The following GALNT18 variants were observed in gnomAD, a reference collection of about 807,000 sequenced individuals.
GALNT18 encodes the protein polypeptide N-acetylgalactosaminyltransferase 18.
A neutral mutation model predicts 69.5 loss-of-function variants in GALNT18; 44 were observed. The observed-to-expected ratio is 0.63, with a 90% CI of 0.50 to 0.81. GALNT18 has a LOEUF of 0.81. Among genes scored for constraint, GALNT18 ranks in the 40% least tolerant of loss-of-function variants. The probability of loss-of-function intolerance (pLI) is 0.00; values close to 1 mark genes in which losing one functional copy is unlikely to be tolerated. For synonymous variants in GALNT18, 364 were observed against 318.2 expected (o/e 1.14, Z -1.53); for missense variants, 715 against 810.0 (o/e 0.88, Z 1.42).
At chr11:11,386,009 T>C (rs1854048749) in intron 3 of GALNT18, among the ~76,000 whole-genome samples, 1 of 152,102 alleles carries the variant, frequency 6.6e-6, no homozygotes, top group African/African-American at 2.4e-5. Flanking sequence ...CTGTCAAAGA[T>C]GGCCAGCAAA....
At chr11:11,313,341 G>A (rs1564891342) in intron 9 of GALNT18, among the ~76,000 whole-genome samples, 1 of 152,230 alleles carries the variant, frequency 6.6e-6, no homozygotes, top group East Asian at 1.9e-4. Flanking sequence ...CTGATTGAGA[G>A]ATATTTTCAA....
rs375861284 is a variant in GALNT18, at chr11:11,339,097, A to T, written c.1278+1722T>A. On this transcript the variant is annotated intron_variant, in intron 7 of 10. Coordinates refer to ENST00000227756, the MANE Select transcript of GALNT18 (RefSeq NM_198516.3). The surrounding 1 kb of genome is among the most constrained non-coding windows in gnomAD (Gnocchi z 5.2). ...GAAATATTGACTCTGTACAAGTTTG[A>T]TAAGAGGAAGGAGAGGACATTTGGA... Among the ~76,000 whole-genome samples the T allele has an allele frequency of 2.0e-5, 3 of 152,294 alleles. No homozygotes were observed. The South Asian group carries it at 6.2e-4, about 32-fold the overall frequency.
chr11:11,607,955 G>C (rs1315402949), intron 1 of GALNT18, among the ~76,000 whole-genome samples: 2 of 152,180 alleles, frequency 1.3e-5, no homozygotes, highest in Non-Finnish European at 2.9e-5. Flanking sequence ...AATCTGTAAA[G>C]GTTTTACAAA....
chr11:11,271,256 C>A lies in GALNT18; in HGVS notation c.1712G>T (p.Cys571Phe). 1 of 1,614,132 alleles carries A rather than the reference C, an allele frequency of 6.2e-7. No individual in the cohort carries two copies. The highest frequency in any genetic ancestry group is 8.5e-7 in the Non-Finnish European group (1 of 1,180,004). ...GTCGCTATTCTCCTGCAGCTCCAGA[C>A]AGCGCTTAGACTTGCGGTTCTGGAT... is the stretch of plus-strand genomic sequence containing the variant. ...GPIQNRKSKR[C>F]LELQENSDLE... The change falls in exon 11 of 11, where the codon TGT becomes TTT. Residue 571 changes from cysteine (C) to phenylalanine (F), a missense_variant. Transcript: ENST00000227756.
intron 1 of GALNT18, among the ~76,000 whole-genome samples, chr11:11,452,080 CA>C (rs61559120): frequency 6.6e-6 from 1 of 151,794 alleles, no homozygotes; most frequent in Admixed American, 6.6e-5. Context: ...TCTTTAAAAA[CA>C]AAAAAAAGTG....
At chr11:11,493,718 C>A (rs1279289868) in intron 1 of GALNT18, among the ~76,000 whole-genome samples, 6 of 149,864 alleles carry the variant, frequency 4.0e-5, no homozygotes, top group African/African-American at 1.5e-4. Context: ...AGTAGGAGGC[C>A]CTGCTAAGGC....
chr11:11,566,566 CT>C (rs1858657614), intron 1 of GALNT18, among the ~76,000 whole-genome samples: 1 of 152,130 alleles, frequency 6.6e-6, no homozygotes, highest in Admixed American at 6.5e-5. Context: ...GCTTAGAGGG[CT>C]TAATGGCTGT....
At chr11:11,405,415 G>A (rs903344485) in intron 3 of GALNT18, among the ~76,000 whole-genome samples, 1 of 152,220 alleles carries the variant, frequency 6.6e-6, no homozygotes, top group Non-Finnish European at 1.5e-5. Context: ...AATTTGAAGT[G>A]GCTAGACTTT....
At chr11:11,280,529 G>A (rs977910583) in intron 10 of GALNT18, among the ~76,000 whole-genome samples, 7 of 152,038 alleles carry the variant, frequency 4.6e-5, no homozygotes, top group Non-Finnish European at 7.4e-5. Flanking sequence ...CTTCCCCAGC[G>A]GCCTGCTGTT....
At chr11:11,426,288 C>T (rs1289435096) in intron 3 of GALNT18, among the ~76,000 whole-genome samples, 7 of 152,190 alleles carry the variant, frequency 4.6e-5, no homozygotes, top group Admixed American at 2.6e-4. Context: ...CCAAGGACCC[C>T]GGCCCAGGAA....
chr11:11,571,217 G>A (rs1382215037), intron 1 of GALNT18, among the ~76,000 whole-genome samples: 1 of 152,164 alleles, frequency 6.6e-6, no homozygotes, highest in Non-Finnish European at 1.5e-5. Flanking sequence ...TCAGTGTCAG[G>A]ACCAGGATTT....
Position 11,511,085 on chromosome 11 carries a change from A to G in GALNT18, c.236-62149T>C, listed in dbSNP as rs1857155064. On this transcript the variant is annotated intron_variant, in intron 1 of 10. Coordinates refer to ENST00000227756, the MANE Select transcript of GALNT18 (RefSeq NM_198516.3). The surrounding 1 kb of genome is among the most constrained non-coding windows in gnomAD (Gnocchi z 4.9). ...GACATGCAGCCTGCCAGGTGATGCAAGAGAGGGCCAGGCTGCAGCTGAAGG... is the reference window on the plus strand; with the variant it reads ...GACATGCAGCCTGCCAGGTGATGCAGGAGAGGGCCAGGCTGCAGCTGAAGG... Among the ~76,000 whole-genome samples the G allele has an allele frequency of 6.6e-6, 1 of 152,056 alleles. No homozygotes were observed. The highest frequency in any genetic ancestry group is 2.1e-4 in the South Asian group (1 of 4,774).
chr11:11,614,339 A>G lies in GALNT18; in HGVS notation c.235+7020T>C, dbSNP rs1859991709. Among the ~76,000 whole-genome samples, 2 of 147,078 alleles carry G rather than the reference A, an allele frequency of 1.4e-5. No individual in the cohort carries two copies. The highest frequency in any genetic ancestry group is 5.1e-5 in the African/African-American group (2 of 38,896). Reference sequence around the variant, plus strand: ...GAGAGAGGGGTGAGAGAGAGAGGCAAGAGAGTGAGGAGAAGAAGAAGAAGA... The same window carrying G: ...GAGAGAGGGGTGAGAGAGAGAGGCAGGAGAGTGAGGAGAAGAAGAAGAAGA... On this transcript the variant is annotated intron_variant, in intron 1 of 10. Transcript: ENST00000227756. This position sits in a 1 kb window ranked among gnomAD's most constrained non-coding sequence, Gnocchi z 5.6.
chr11:11,476,356 T>C (rs576298888), intron 1 of GALNT18: 10 of 152,254 alleles, frequency 6.6e-5, no homozygotes, highest in African/African-American at 2.4e-4. Flanking sequence ...ACTGTTCTCC[T>C]GTGGTTATTC....
Position 11,613,406 on chromosome 11 carries a change from T to C in GALNT18, c.235+7953A>G, listed in dbSNP as rs181408148. Among the ~76,000 whole-genome samples, 1 of 152,362 alleles carries C rather than the reference T, an allele frequency of 6.6e-6. No individual in the cohort carries two copies. The highest frequency in any genetic ancestry group is 1.9e-4 in the East Asian group (1 of 5,180). ...AAGCTTATGAATGATTAGCTTTAAC[T>C]CTAATAAATTAAAGGGATTTCAAGG... On this transcript the variant is annotated intron_variant, in intron 1 of 10. Transcript: ENST00000227756. The surrounding 1 kb of genome is among the most constrained non-coding windows in gnomAD (Gnocchi z 4.2).
intron 1 of GALNT18, among the ~76,000 whole-genome samples, chr11:11,611,276 C>G (rs77741184): frequency 0.039 from 5,929 of 152,240 alleles, 365 homozygotes; most frequent in African/African-American, 0.13. Flanking sequence ...CTTTCCTTTA[C>G]AGCAATTGTT....
At chr11:11,434,660 G>T (rs1226453200) in intron 2 of GALNT18, among the ~76,000 whole-genome samples, 1 of 152,106 alleles carries the variant, frequency 6.6e-6, no homozygotes. Flanking sequence ...CAAGGGTTCT[G>T]TGGATCCAAG....
intron 10 of GALNT18, among the ~76,000 whole-genome samples, chr11:11,273,115 G>A (rs570097639): frequency 1.3e-5 from 2 of 152,222 alleles, no homozygotes; most frequent in South Asian, 2.1e-4. Context: ...TCCAGAATGT[G>A]GGAAACACTC....
intron 10 of GALNT18, among the ~76,000 whole-genome samples, chr11:11,291,666 C>T (rs959152255): frequency 6.6e-6 from 1 of 151,968 alleles, no homozygotes; most frequent in African/African-American, 2.4e-5. Context: ...CTGCATCCTC[C>T]ACCTGCCCTC....
Sources: allele counts gnomAD v4.1 joint callset (sites outside exome capture counted in the v4.1 genomes callset), GRCh38; gene constraint gnomAD v4.1.1; non-coding constraint Gnocchi (gnomAD v3.1); transcripts MANE v1.5; gene names NCBI Gene and HGNC (gene_info 2026-07-23, HGNC 2026-07-21).